The following DYNC1I1 variants were observed in gnomAD, a reference collection of about 807,000 sequenced individuals.
The protein encoded by DYNC1I1 is cytoplasmic dynein 1 intermediate chain 1.
Under a neutral mutation model 86.6 loss-of-function variants are expected in DYNC1I1, and 43 were observed. The ratio of observed to expected loss-of-function variants is 0.50; its 90% confidence interval spans 0.39 to 0.64. The LOEUF (loss-of-function observed/expected upper bound fraction) is 0.64, where lower values mean the gene tolerates loss of function less well. Among genes scored for constraint, DYNC1I1 ranks in the 30% least tolerant of loss-of-function variants. The pLI is 0.00. For missense variants in DYNC1I1, 604 were observed against 788.8 expected (o/e 0.77, Z 2.81); for synonymous variants, 262 against 283.7 (o/e 0.92, Z 0.77).
intron 16 of DYNC1I1, 83 bp downstream of exon 16, chr7:96,080,571 G>A (rs1203598421): frequency 6.2e-7 from 1 of 1,611,098 alleles, no homozygotes; most frequent in Non-Finnish European, 8.5e-7. Flanking sequence ...GCAAGAACTT[G>A]TAGGCCACAA....
chr7:95,837,001 T>C (rs1024020359), intron 5 of DYNC1I1, among the ~76,000 whole-genome samples: 2 of 152,122 alleles, frequency 1.3e-5, no homozygotes, highest in African/African-American at 4.8e-5. Flanking sequence ...CTTTGTTCCG[T>C]TGCTGGTGAG....
chr7:96,079,753 G>C (rs1317894687), intron 15 of DYNC1I1, among the ~76,000 whole-genome samples: 1 of 152,102 alleles, frequency 6.6e-6, no homozygotes, highest in Non-Finnish European at 1.5e-5. Flanking sequence ...GAGGGAGGAA[G>C]ACAGATTTAA....
At chr7:95,919,531 A>G (rs1427431540) in intron 6 of DYNC1I1, among the ~76,000 whole-genome samples, 3 of 152,246 alleles carry the variant, frequency 2.0e-5, no homozygotes, top group South Asian at 2.1e-4. Context: ...AGAAAAAGTT[A>G]TGACATCATA....
At chr7:95,973,136 A>T (rs1793216989) in intron 6 of DYNC1I1, among the ~76,000 whole-genome samples, 1 of 152,230 alleles carries the variant, frequency 6.6e-6, no homozygotes, top group Non-Finnish European at 1.5e-5. Context: ...ATATATCAGT[A>T]GTCTGTAGCA....
At chr7:96,001,246 A>G (rs570431767) in intron 10 of DYNC1I1, among the ~76,000 whole-genome samples, 2 of 152,184 alleles carry the variant, frequency 1.3e-5, no homozygotes, top group South Asian at 4.2e-4. Flanking sequence ...TGAGAGCCAG[A>G]TTGCAATATG....
chr7:95,815,377 G>T (rs1794924242), intron 4 of DYNC1I1, among the ~76,000 whole-genome samples: 1 of 152,130 alleles, frequency 6.6e-6, no homozygotes, highest in African/African-American at 2.4e-5. Context: ...CCTGCAAAGT[G>T]CAGGTTTCAT....
intron 16 of DYNC1I1, 147 bp downstream of exon 16, chr7:96,080,635 G>C: frequency 7.6e-7 from 1 of 1,322,936 alleles, no homozygotes; most frequent in Non-Finnish European, 1.1e-6. Context: ...CTAGTTTGGC[G>C]AGACTTCCTT....
intron 6 of DYNC1I1, among the ~76,000 whole-genome samples, chr7:95,954,932 A>AAG (rs1194542143): frequency 1.3e-5 from 2 of 151,326 alleles, no homozygotes; most frequent in Non-Finnish European, 2.9e-5. Flanking sequence ...AAAAAAAAAA[A>AAG]AAAAAAGATA....
intron 3 of DYNC1I1, among the ~76,000 whole-genome samples, chr7:95,811,630 G>T (rs1042636668): frequency 6.6e-6 from 1 of 152,014 alleles, no homozygotes; most frequent in South Asian, 2.1e-4. Context: ...ATCTCAATTT[G>T]TAATAGGTAA....
At chr7:95,973,336 T>A (rs1793221859) in intron 6 of DYNC1I1, among the ~76,000 whole-genome samples, 1 of 152,176 alleles carries the variant, frequency 6.6e-6, no homozygotes, top group Non-Finnish European at 1.5e-5. Flanking sequence ...CCTTTGCAAA[T>A]CCACCAAAAC....
intron 10 of DYNC1I1, among the ~76,000 whole-genome samples, chr7:96,013,192 G>C (rs1794318794): frequency 6.6e-6 from 1 of 152,102 alleles, no homozygotes; most frequent in Non-Finnish European, 1.5e-5. Flanking sequence ...TGGGATGATG[G>C]AAGCAGAATC....
At chr7:95,832,529 C>T (rs1788939203) in intron 5 of DYNC1I1, among the ~76,000 whole-genome samples, 2 of 151,924 alleles carry the variant, frequency 1.3e-5, no homozygotes, top group East Asian at 1.9e-4. Context: ...TTCTAGATCC[C>T]TGAGGAATTG....
At chr7:95,893,067 G>A (rs1390596789) in intron 6 of DYNC1I1, among the ~76,000 whole-genome samples, 1 of 151,682 alleles carries the variant, frequency 6.6e-6, no homozygotes, top group Non-Finnish European at 1.5e-5. Flanking sequence ...TATATATTTT[G>A]GCACAGTAAG....
At chr7:95,867,485 G>T (rs17167196) in intron 5 of DYNC1I1, among the ~76,000 whole-genome samples, 17,517 of 152,254 alleles carry the variant, frequency 0.12, 1,048 homozygotes, top group South Asian at 0.18. Context: ...TTCAGAATGA[G>T]TGCATGACAT....
chr7:96,024,859 A>G (rs986921852), intron 10 of DYNC1I1, among the ~76,000 whole-genome samples: 1 of 152,146 alleles, frequency 6.6e-6, no homozygotes, highest in African/African-American at 2.4e-5. Context: ...ACAGTCAGTA[A>G]ATTCTATGAC....
In DYNC1I1 at chr7:96,028,170, G is replaced by A; in HGVS notation, c.970-5G>A. 6.2e-7 allele frequency: 1 copy of A among 1,613,314 alleles called. No homozygotes were observed. Among genetic ancestry groups the A allele is most frequent in the Non-Finnish European group, 8.5e-7 (1 of 1,179,556 alleles). ...TCTCTCTCTCTCTCTCCTTTTCCCT[G>A]ACAGTCCTCTGTGATGTCGGTCTGC... On this transcript the variant is annotated splice_polypyrimidine_tract_variant and splice_region_variant and intron_variant, in intron 10 of 16. Transcript: ENST00000447467.
At position 96,032,762 on chromosome 7, in the gene DYNC1I1, C is replaced by T. The variant is rs917675638; in HGVS notation, c.1212C>T (p.Asp404=). Residue 404 remains aspartate (D), a synonymous_variant, in exon 12 of 17, where the codon GAC becomes GAT. Transcript: ENST00000447467. ...TDGKMCSWSL[D]MLSTPQESME... Reference sequence around the variant, plus strand: ...GCAAAATGTGTTCCTGGAGCCTGGACATGCTCTCAACTCCACAGGTGGGTT... The same window carrying T: ...GCAAAATGTGTTCCTGGAGCCTGGATATGCTCTCAACTCCACAGGTGGGTT... 4.3e-6 allele frequency: 7 copies of T among 1,613,434 alleles called. No individual in the cohort carries two copies. The highest frequency in any genetic ancestry group is 2.7e-5 in the African/African-American group (2 of 74,890).
chr7:95,868,325 T>C (rs1024070057), intron 5 of DYNC1I1, among the ~76,000 whole-genome samples: 2 of 152,228 alleles, frequency 1.3e-5, no homozygotes, highest in African/African-American at 4.8e-5. Flanking sequence ...TAGTAACTCA[T>C]AGACAAGAAG....
intron 10 of DYNC1I1, among the ~76,000 whole-genome samples, chr7:96,018,067 C>T (rs764347746): frequency 2.0e-4 from 30 of 152,216 alleles, no homozygotes; most frequent in Admixed American, 3.9e-4. Flanking sequence ...GTGAGGTGAG[C>T]GATCTCTACA....
Sources: allele counts gnomAD v4.1 joint callset (sites outside exome capture counted in the v4.1 genomes callset), GRCh38; gene constraint gnomAD v4.1.1; transcripts MANE v1.5; gene names NCBI Gene and HGNC (gene_info 2026-07-23, HGNC 2026-07-21).